Variants in TP63 observed in about 807,000 individuals in gnomAD.
TP63 encodes tumor protein 63.
TP63 carries 17 observed loss-of-function variants against 82.8 expected under a neutral mutation model. The observed-to-expected ratio is 0.21, with a 90% CI of 0.14 to 0.31. The LOEUF is 0.31. Among genes scored for constraint, TP63 ranks in the 10% least tolerant of loss-of-function variants. The pLI, the probability that TP63 is intolerant of heterozygous loss-of-function variation, is 1.00. For synonymous variants in TP63, 330 were observed against 321.7 expected, an observed-to-expected ratio of 1.03 and a Z score of -0.28; for missense variants, 648 against 895.3, an observed-to-expected ratio of 0.72 and a Z score of 3.52.
At chr3:189,619,054 A>G in the TP63 span, among the ~76,000 whole-genome samples, 7 of 152,132 alleles carry the variant, frequency 4.6e-5, no homozygotes, top group Non-Finnish European at 1.0e-4. Context: ...CCCCTCAATC[A>G]AGTACCTGCA....
intron 3 of TP63, among the ~76,000 whole-genome samples, chr3:189,784,981 G>A (rs1645656522): frequency 6.6e-6 from 1 of 151,962 alleles, no homozygotes; most frequent in Admixed American, 6.6e-5. Context: ...AGATCTCATT[G>A]GTTTTGTTCT....
At chr3:189,701,536 T>G (rs978071577) in intron 1 of TP63, among the ~76,000 whole-genome samples, 2 of 146,442 alleles carry the variant, frequency 1.4e-5, no homozygotes, top group African/African-American at 2.5e-5. Context: ...TATATATATA[T>G]ATATATATAT....
chr3:189,693,245 T>C (rs12635562), intron 1 of TP63, among the ~76,000 whole-genome samples: 44,073 of 152,202 alleles, frequency 0.29, 7,310 homozygotes, highest in Non-Finnish European at 0.37. Context: ...TTATAAAGTA[T>C]ATACATTTTA....
At chr3:189,679,112 T>G (rs1054468153) in intron 1 of TP63, among the ~76,000 whole-genome samples, 1 of 152,070 alleles carries the variant, frequency 6.6e-6, no homozygotes, top group African/African-American at 2.4e-5. Context: ...TGCAGATAGC[T>G]CTTCAAGTTA....
chr3:189,698,851 A>G (rs543562304), intron 1 of TP63, among the ~76,000 whole-genome samples: 33 of 152,262 alleles, frequency 2.2e-4, no homozygotes, highest in African/African-American at 7.9e-4. Flanking sequence ...TGCTTTTTTG[A>G]ATACAGAGCT....
intron 1 of TP63, among the ~76,000 whole-genome samples, chr3:189,690,922 T>C (rs1461091354): frequency 6.6e-6 from 1 of 152,202 alleles, no homozygotes; most frequent in Non-Finnish European, 1.5e-5. Context: ...ATGTGTTACA[T>C]AATAGAAAAC....
chr3:189,810,716 C>A (rs191585818), intron 4 of TP63, among the ~76,000 whole-genome samples: 1 of 151,788 alleles, frequency 6.6e-6, no homozygotes, highest in Non-Finnish European at 1.5e-5. Flanking sequence ...ATTAGCCAGA[C>A]GTGGTGGTGG....
chr3:189,841,998 G>A (rs1714191589), intron 4 of TP63, among the ~76,000 whole-genome samples: 1 of 152,190 alleles, frequency 6.6e-6, no homozygotes, highest in African/African-American at 2.4e-5. Flanking sequence ...AGTAAGAGCT[G>A]AGGAAGGAAC....
At chr3:189,891,729 G>A (rs1721037133) in intron 13 of TP63, among the ~76,000 whole-genome samples, 1 of 152,132 alleles carries the variant, frequency 6.6e-6, no homozygotes, top group Admixed American at 6.5e-5. Context: ...GCTCACACGG[G>A]AGCTAGTGTT....
intron 1 of TP63, among the ~76,000 whole-genome samples, chr3:189,734,079 TTCTC>T (rs952107639): frequency 2.6e-5 from 4 of 151,834 alleles, no homozygotes; most frequent in African/African-American, 7.2e-5. Context: ...TTTTCTTTCT[TTCTC>T]TCTTTCTTTA....
At chr3:189,770,490 G>A (rs925020544) in intron 3 of TP63, among the ~76,000 whole-genome samples, 10 of 151,810 alleles carry the variant, frequency 6.6e-5, no homozygotes, top group South Asian at 2.1e-4. Flanking sequence ...GCTGGAGCCC[G>A]GGAGACAGAG....
At chr3:189,715,259 A>G (rs971242950) in intron 1 of TP63, among the ~76,000 whole-genome samples, 2 of 152,202 alleles carry the variant, frequency 1.3e-5, no homozygotes, top group African/African-American at 4.8e-5. Context: ...GGAAAGTCAC[A>G]CAAGAGAGCT....
intron 3 of TP63, among the ~76,000 whole-genome samples, chr3:189,748,443 A>T (rs1721540269): frequency 6.7e-6 from 1 of 148,694 alleles, no homozygotes; most frequent in Admixed American, 6.9e-5. Flanking sequence ...TACAATGGCC[A>T]CAAAAGTAAA....
At chr3:189,822,910 G>C (rs1247905928) in intron 4 of TP63, among the ~76,000 whole-genome samples, 1 of 152,178 alleles carries the variant, frequency 6.6e-6, no homozygotes, top group Non-Finnish European at 1.5e-5. Context: ...GGGTTCTCTA[G>C]GGGTGGCTGC....
At chr3:189,647,781 G>A (rs4687081) in intron 1 of TP63, among the ~76,000 whole-genome samples, 48,047 of 146,046 alleles carry the variant, frequency 0.33, 11,252 homozygotes, top group Middle Eastern at 0.52. Context: ...CCCATCCATC[G>A]CTATAGATGT....
chr3:189,725,228 T>A (rs1719686912), intron 1 of TP63, among the ~76,000 whole-genome samples: 1 of 152,316 alleles, frequency 6.6e-6, no homozygotes, highest in Non-Finnish European at 1.5e-5. Flanking sequence ...ATAGTATATA[T>A]AATTATTACT....
At chr3:189,737,986 A>C in intron 2 of TP63, 118 bp downstream of exon 2, 1 of 1,235,318 alleles carries the variant, frequency 8.1e-7, no homozygotes, top group Non-Finnish European at 1.2e-6. Flanking sequence ...ATTTAGGAAA[A>C]GTTAATGACT....
At chr3:189,735,595 T>A (rs1720520978) in intron 1 of TP63, among the ~76,000 whole-genome samples, 1 of 152,202 alleles carries the variant, frequency 6.6e-6, no homozygotes. Flanking sequence ...TTACTAATAA[T>A]TGACTTTGTC....
chr3:189,693,141 A>C (rs1260435095), intron 1 of TP63, among the ~76,000 whole-genome samples: 1 of 152,180 alleles, frequency 6.6e-6, no homozygotes, highest in Non-Finnish European at 1.5e-5. Flanking sequence ...TCATCAATAA[A>C]ATAATTGAAA....
Sources: gnomAD v4.1 joint callset for allele counts (sites outside exome capture counted in the v4.1 genomes callset) on GRCh38, gnomAD v4.1.1 for gene constraint, MANE v1.5 for transcripts, NCBI Gene and HGNC (gene_info 2026-07-23, HGNC 2026-07-21) for gene names.